The following SCN1A variants were observed in gnomAD, a reference collection of about 807,000 sequenced individuals.
SCN1A encodes sodium voltage-gated channel alpha subunit 1, also known as sodium channel protein type 1 subunit alpha.
SCN1A carries 13 observed loss-of-function variants against 193.7 expected under a neutral mutation model. The observed-to-expected ratio is 0.07, with a 90% confidence interval of 0.04 to 0.11. The LOEUF is 0.11. Among genes scored for constraint, SCN1A ranks in the 10% least tolerant of loss-of-function variants. The pLI, the probability that SCN1A is intolerant of heterozygous loss-of-function variation, is 1.00. For synonymous variants in SCN1A, 781 were observed against 843.6 expected, an observed-to-expected ratio of 0.93 and a Z score of 1.29; for missense variants, 1,432 against 2,451.1, an observed-to-expected ratio of 0.58 and a Z score of 8.78.
intron 2 of SCN1A, among the ~76,000 whole-genome samples, chr2:166,102,007 G>C (rs1195160784): frequency 6.6e-6 from 1 of 152,100 alleles, no homozygotes; most frequent in Non-Finnish European, 1.5e-5. Flanking sequence ...GTATCTATAA[G>C]GAACTTACAT....
intron 22 of SCN1A, among the ~76,000 whole-genome samples, chr2:166,010,764 T>C (rs936790328): frequency 2.6e-5 from 4 of 151,130 alleles, no homozygotes; most frequent in Non-Finnish European, 5.9e-5. Flanking sequence ...TTATTTGAGA[T>C]GTGCTGTAAT....
At chr2:166,126,452 C>T (rs913356810) in intron 2 of SCN1A, 5 of 152,186 alleles carry the variant, frequency 3.3e-5, no homozygotes, top group African/African-American at 1.2e-4. Flanking sequence ...ATCACCCTGG[C>T]GTGCCAGGTA....
At chr2:166,047,860 G>T in intron 10 of SCN1A, 92 bp from the exon 11 acceptor site, 1 of 1,551,072 alleles carries the variant, frequency 6.4e-7, no homozygotes, top group Non-Finnish European at 8.8e-7. Flanking sequence ...AGAAAGATTT[G>T]GTATTTCAAA....
chr2:165,995,980 T>C, intron 27 of SCN1A, 33 bp downstream of exon 27: 3 of 1,398,840 alleles, frequency 2.1e-6, no homozygotes, highest in Non-Finnish European at 3.0e-6. Flanking sequence ...TTTGTTTTTG[T>C]ATTTTTCCCC....
rs766623932 is a variant in SCN1A at position 166,054,797 on chromosome 2, AG to A, written c.474-32del. ...AACAAGCATCCAAAAAATTTGATAA[AG>A]TAACAGTGTTTTTTCATAGCATACC... On this transcript the variant is annotated intron_variant, in intron 6 of 28. Coordinates refer to ENST00000674923, the MANE Select transcript of SCN1A (RefSeq NM_001165963.4). 33 of 1,603,462 alleles carry A rather than the reference AG, an allele frequency of 2.1e-5. No individual in the cohort carries two copies. In the South Asian group the frequency reaches 3.0e-4, roughly 14 times the overall value.
Position 166,123,223 on chromosome 2 carries a change from C to CAAAA in SCN1A, c.-142+3697_-142+3700dup, listed in dbSNP as rs57488795. ...AATCACATTCCTACTCATTCATTTG[C>CAAAA]AAAAAAAAAAAAAAAAAAAAAAAAA... is the stretch of plus-strand genomic sequence containing the variant. On this transcript the variant is annotated intron_variant, in intron 2 of 28. Coordinates refer to ENST00000674923, the MANE Select transcript of SCN1A (RefSeq NM_001165963.4). 8.0e-4 allele frequency among the ~76,000 whole-genome samples: 93 copies of CAAAA among 116,382 alleles called. 1 individual carries two copies. The highest frequency in any genetic ancestry group is 2.6e-3 in the Admixed American group (27 of 10,420). 76.4% of individuals were successfully genotyped at this position (116,382 alleles called of 152,430 possible). A position where few individuals can be genotyped will look rare whatever the true frequency, so the allele number is the denominator to read the frequency against.
chr2:166,075,162 T>C (rs1253726813), intron 3 of SCN1A: 28 of 152,096 alleles, frequency 1.8e-4, no homozygotes, highest in Non-Finnish European at 1.5e-5. Context: ...AATAAAATAT[T>C]CTGATGTATA....
At chr2:166,011,377 T>G (rs1292485381) in intron 22 of SCN1A, among the ~76,000 whole-genome samples, 2 of 151,116 alleles carry the variant, frequency 1.3e-5, no homozygotes, top group African/African-American at 2.4e-5. Flanking sequence ...TGCTTAACTT[T>G]AACACATCTT....
At chr2:166,027,494 A>G (rs373852475) in intron 19 of SCN1A, among the ~76,000 whole-genome samples, 2 of 151,946 alleles carry the variant, frequency 1.3e-5, no homozygotes, top group South Asian at 4.1e-4. Context: ...AGTTCAAATT[A>G]TAATAAGTAA....
chr2:166,122,750 T>C (rs146894441), intron 2 of SCN1A, among the ~76,000 whole-genome samples: 90 of 152,252 alleles, frequency 5.9e-4, no homozygotes, highest in African/African-American at 2.2e-3. Context: ...TAGATCTAAA[T>C]GCAAGAGCTA....
chr2:166,146,812 T>C (rs1313261809), intron 1 of SCN1A, among the ~76,000 whole-genome samples: 6 of 152,324 alleles, frequency 3.9e-5, no homozygotes, highest in African/African-American at 1.4e-4. Flanking sequence ...AATGGAACTG[T>C]TGGAAAATAG....
chr2:166,024,335 A>C (rs1389996768), intron 19 of SCN1A, among the ~76,000 whole-genome samples: 1 of 152,224 alleles, frequency 6.6e-6, no homozygotes, highest in Non-Finnish European at 1.5e-5. Context: ...GAAACCATCC[A>C]CATGTAGCTG....
intron 2 of SCN1A, among the ~76,000 whole-genome samples, chr2:166,085,579 C>T (rs575938618): frequency 5.3e-5 from 8 of 152,176 alleles, no homozygotes; most frequent in African/African-American, 1.2e-4. Flanking sequence ...CCACGGGCAG[C>T]GGGGCTGAAG....
rs1468442132 is a variant in SCN1A, at chr2:165,989,895, G to A, written c.*1350C>T. On this transcript the variant is annotated 3_prime_UTR_variant, in exon 29 of 29. Coordinates refer to ENST00000674923, the MANE Select transcript of SCN1A (RefSeq NM_001165963.4). ...GTGTTTTTTTAAACATGTCTGTACA[G>A]TCTGGCTATATACCATATGTTATCC... is the stretch of plus-strand genomic sequence containing the variant. 2 of 152,498 alleles carry A rather than the reference G, an allele frequency of 1.3e-5. No homozygotes were observed. The highest frequency in any genetic ancestry group is 4.8e-5 in the African/African-American group (2 of 41,406). The allele number at this position is 152,498 out of a possible 1,614,324, so 9.4% of individuals were successfully genotyped here.
chr2:166,145,432 T>C (rs1456178986), intron 1 of SCN1A, among the ~76,000 whole-genome samples: 1 of 152,194 alleles, frequency 6.6e-6, no homozygotes, highest in Non-Finnish European at 1.5e-5. Context: ...CTATATCTTA[T>C]ATTAGGTTCC....
At chr2:166,121,134 GA>G (rs1690548795) in intron 2 of SCN1A, among the ~76,000 whole-genome samples, 1 of 141,380 alleles carries the variant, frequency 7.1e-6, no homozygotes. Context: ...AAAAAAAAAA[GA>G]AAAAGAAAGA....
intron 24 of SCN1A, 181 bp from the exon 25 acceptor site, chr2:165,999,957 A>G: frequency 1.6e-6 from 1 of 622,254 alleles, no homozygotes; most frequent in South Asian, 1.9e-5. Flanking sequence ...TTTCTAGAAC[A>G]CATATTGAAC....
At chr2:166,022,879 A>C (rs762814972) in intron 19 of SCN1A, among the ~76,000 whole-genome samples, 1 of 152,202 alleles carries the variant, frequency 6.6e-6, no homozygotes, top group African/African-American at 2.4e-5. Flanking sequence ...AAACTTGACA[A>C]ATTATACTCA....
chr2:166,098,018 A>T (rs1687586347), intron 2 of SCN1A, among the ~76,000 whole-genome samples: 2 of 152,214 alleles, frequency 1.3e-5, no homozygotes, highest in African/African-American at 4.8e-5. Flanking sequence ...GTAACAATTC[A>T]CAAGAAATAT....
Sources: gnomAD v4.1 joint callset for allele counts (sites outside exome capture counted in the v4.1 genomes callset) on GRCh38, gnomAD v4.1.1 for gene constraint, MANE v1.5 for transcripts, NCBI Gene and HGNC (gene_info 2026-07-23, HGNC 2026-07-21) for gene names.